LCP2: variants seen among roughly 807,000 people sequenced by gnomAD.
The protein encoded by LCP2 is lymphocyte cytosolic protein 2.
Under a neutral mutation model 74.5 loss-of-function variants are expected in LCP2, and 29 were observed. The ratio of observed to expected loss-of-function variants is 0.39; its 90% CI spans 0.29 to 0.53. The LOEUF (loss-of-function observed/expected upper bound fraction) is 0.53, where lower values mean the gene tolerates loss of function less well. Ranked by LOEUF, LCP2 falls within the 20% of genes least tolerant of loss-of-function variation. The probability of loss-of-function intolerance (pLI) is 0.72; values close to 1 mark genes in which losing one functional copy is unlikely to be tolerated. For synonymous variants in LCP2, 228 were observed against 229.5 expected (o/e 0.99, Z 0.06); for missense variants, 604 against 634.6 (o/e 0.95, Z 0.52).
intron 3 of LCP2, among the ~76,000 whole-genome samples, chr5:170,283,791 G>A (rs937430842): frequency 6.6e-6 from 1 of 152,164 alleles, no homozygotes; most frequent in Non-Finnish European, 1.5e-5. Context: ...ACACTGGGTG[G>A]TGCCTCTGTA....
intron 5 of LCP2, among the ~76,000 whole-genome samples, chr5:170,274,542 G>T (rs4867953): frequency 1.3e-5 from 2 of 151,910 alleles, no homozygotes; most frequent in African/African-American, 4.8e-5. Context: ...AGAGAACCAG[G>T]GGGTGGCGAT....
At position 170,246,954 on chromosome 5, in the gene LCP2, C is replaced by G. The variant is rs1761312809; in HGVS notation, c.*1743G>C. The G allele has an allele frequency of 6.6e-6, 1 of 152,208 alleles. No homozygotes were observed. 9.4% of individuals were successfully genotyped at this position (152,208 alleles called of 1,614,324 possible). ...AACATCTTAATCCTGATGGCACTTT[C>G]CACTAATAGACTTAAAATGAGCTTT... On this transcript the variant is annotated 3_prime_UTR_variant, in exon 21 of 21. Coordinates refer to ENST00000046794, the MANE Select transcript of LCP2 (RefSeq NM_005565.5).
intron 2 of LCP2, among the ~76,000 whole-genome samples, chr5:170,290,370 G>A (rs1378943351): frequency 2.0e-5 from 3 of 152,162 alleles, no homozygotes; most frequent in Non-Finnish European, 4.4e-5. Context: ...TTCATTCAGG[G>A]CAGTAAATGT....
At chr5:170,255,959 G>T (rs1165657203) in intron 17 of LCP2, among the ~76,000 whole-genome samples, 3 of 152,218 alleles carry the variant, frequency 2.0e-5, no homozygotes, top group Non-Finnish European at 4.4e-5. Flanking sequence ...AATCTGTGAC[G>T]TTAAGTTCTC....
chr5:170,256,688 C>A lies in LCP2; in HGVS notation c.1101-113G>T. 1 of 745,026 alleles carries A rather than the reference C, an allele frequency of 1.3e-6. No homozygotes were observed. Among genetic ancestry groups the A allele is most frequent in the Non-Finnish European group, 2.4e-6 (1 of 413,680 alleles). The allele number at this position is 745,026 out of a possible 1,614,324, so 46.2% of individuals were successfully genotyped here. A position where few individuals can be genotyped will look rare whatever the true frequency, so the allele number is the denominator to read the frequency against. ...ATGCTTCTTGATTTGGTATCACTTT[C>A]CCTGCTGCCCCCAAAACCATGGGGG... On this transcript the variant is annotated intron_variant, in intron 16 of 20. Coordinates refer to ENST00000046794, the MANE Select transcript of LCP2 (RefSeq NM_005565.5). The surrounding 1 kb of genome is among the most constrained non-coding windows in gnomAD (Gnocchi z 4.5).
chr5:170,258,237 G>GC (rs1290282534), intron 15 of LCP2, 71 bp from the exon 16 acceptor site: 2 of 1,528,164 alleles, frequency 1.3e-6, no homozygotes, highest in African/African-American at 2.7e-5. Flanking sequence ...TTCCATAACC[G>GC]CCCCCCAGTT....
At chr5:170,263,141 A>T (rs976386190) in intron 10 of LCP2, 149 bp from the exon 11 acceptor site, 1 of 915,176 alleles carries the variant, frequency 1.1e-6, no homozygotes, top group Non-Finnish European at 1.6e-6. Context: ...CAGACTAGGA[A>T]GGGTCCGTTA....
In LCP2 at chr5:170,258,099, A is replaced by G. The variant is rs1431501341; in HGVS notation, c.1038T>C (p.Ser346=). 1 of 1,613,912 alleles carries G rather than the reference A, an allele frequency of 6.2e-7. No homozygotes were observed. The highest frequency in any genetic ancestry group is 1.1e-5 in the South Asian group (1 of 91,090). ...PMSSNTFPSR[S]TKPSPMNPLP... ...GAGGGTTCATGGGACTTGGCTTAGT[A>G]GATCTTGAAGGGAAAGTGTTGGAGC... Residue 346 remains serine, a synonymous_variant, in exon 16 of 21, where the codon TCT becomes TCC. Coordinates refer to ENST00000046794, the MANE Select transcript of LCP2 (RefSeq NM_005565.5).
rs773737768 is a variant in LCP2 at position 170,293,306 on chromosome 5, T to G, written c.141+4A>C. The stretch of plus-strand genomic sequence containing the variant: ...TTCAGTGTGTTGGACTAGCCAGAGC[T>G]TACCAAGAAGCGAGCCCCATCGATG... On this transcript the variant is annotated splice_donor_region_variant and intron_variant, in intron 2 of 20. Coordinates refer to ENST00000046794, the MANE Select transcript of LCP2 (RefSeq NM_005565.5). The G allele has an allele frequency of 6.2e-6, 10 of 1,606,718 alleles. No homozygotes were observed. In the African/African-American group the frequency reaches 1.3e-4, roughly 21 times the overall value.
rs1252655960 is a variant in LCP2 at position 170,289,698 on chromosome 5, TTTCC to T, written c.142-1686_142-1683del. Among the ~76,000 whole-genome samples, 608 of 141,140 alleles carry T rather than the reference TTTCC, an allele frequency of 4.3e-3. 3 individuals carry two copies. The highest frequency in any genetic ancestry group is 0.012 in the South Asian group (45 of 3,904). The allele number at this position is 141,140 out of a possible 152,430, so 92.6% of individuals were successfully genotyped here. ...CTCTCTCTCTCTCTTTCTTTCTTTCTTTCCTTCTTTCTTTCTTTCCTTTCCTTTC... is the reference window on the plus strand; with the variant it reads ...CTCTCTCTCTCTCTTTCTTTCTTTCTTTCTTTCTTTCTTTCCTTTCCTTTC... On this transcript the variant is annotated intron_variant, in intron 2 of 20. Transcript: ENST00000046794.
chr5:170,252,079 G>A (rs1274574601), intron 19 of LCP2: 3 of 201,466 alleles, frequency 1.5e-5, no homozygotes, highest in South Asian at 9.0e-5. Context: ...TGGCACGTCT[G>A]TGTTAAGAGG....
chr5:170,278,090 C>G (rs973870091), intron 3 of LCP2, among the ~76,000 whole-genome samples: 1 of 150,632 alleles, frequency 6.6e-6, no homozygotes, highest in Admixed American at 6.6e-5. Context: ...GGCAAGGGAG[C>G]CCCGTTAGTG....
In LCP2 at chr5:170,277,405, G is replaced by A. The variant is rs1437804462; in HGVS notation, c.189-1545C>T. 2.0e-5 allele frequency among the ~76,000 whole-genome samples: 3 copies of A among 152,048 alleles called. No individual in the cohort carries two copies. The East Asian group carries it at 5.8e-4, about 29-fold the overall frequency. On this transcript the variant is annotated intron_variant, in intron 3 of 20. Coordinates refer to ENST00000046794, the MANE Select transcript of LCP2 (RefSeq NM_005565.5). ...AAGTCCTTAGCAGCCACCATTTCTC[G>A]ATTCCTCCATCACCTCCCCTGCCCC...
chr5:170,263,007 G>C lies in LCP2; in HGVS notation c.773-15C>G, dbSNP rs768587194. 1 of 1,613,478 alleles carries C rather than the reference G, an allele frequency of 6.2e-7. No individual in the cohort carries two copies. The highest frequency in any genetic ancestry group is 1.3e-5 in the African/African-American group (1 of 74,914). On this transcript the variant is annotated splice_polypyrimidine_tract_variant and intron_variant, in intron 10 of 20. Transcript: ENST00000046794. ...TGGTTTCTTTCCTGTAAATGACAGA[G>C]AGCAGATGGGCCATGAGTTCAGAAC...
intron 19 of LCP2, 85 bp downstream of exon 19, chr5:170,252,349 C>T (rs1043606582): frequency 4.1e-6 from 3 of 732,440 alleles, no homozygotes; most frequent in Non-Finnish European, 6.9e-6. Context: ...GAATTCCTAG[C>T]CTGTAATTGG....
At chr5:170,291,322 T>C (rs1356759178) in intron 2 of LCP2, among the ~76,000 whole-genome samples, 2 of 152,050 alleles carry the variant, frequency 1.3e-5, no homozygotes, top group African/African-American at 4.8e-5. Flanking sequence ...GAAAGGGTGA[T>C]AGATTAGTAA....
chr5:170,290,183 A>T (rs1311463928), intron 2 of LCP2, among the ~76,000 whole-genome samples: 1 of 152,122 alleles, frequency 6.6e-6, no homozygotes, highest in African/African-American at 2.4e-5. Flanking sequence ...ATGATTTTGG[A>T]GTTAAGATTT....
At chr5:170,263,805 C>T (rs1244206975) in intron 10 of LCP2, among the ~76,000 whole-genome samples, 1 of 152,144 alleles carries the variant, frequency 6.6e-6, no homozygotes, top group Non-Finnish European at 1.5e-5. Flanking sequence ...GTTTTTGAAT[C>T]CCAATGTTAT....
intron 2 of LCP2, among the ~76,000 whole-genome samples, chr5:170,292,149 C>T (rs993086076): frequency 2.0e-5 from 3 of 152,158 alleles, no homozygotes; most frequent in Non-Finnish European, 4.4e-5. Flanking sequence ...TCTCTATCCC[C>T]ACCACCTATA....
Sources: allele counts gnomAD v4.1 joint callset (sites outside exome capture counted in the v4.1 genomes callset), GRCh38; gene constraint gnomAD v4.1.1; non-coding constraint Gnocchi (gnomAD v3.1); transcripts MANE v1.5; gene names NCBI Gene and HGNC (gene_info 2026-07-23, HGNC 2026-07-21).